The following RTTN variants were observed in gnomAD, a reference collection of about 807,000 sequenced individuals.
RTTN encodes the protein rotatin.
In RTTN, 182 loss-of-function variants were observed where a neutral mutation model predicts 269.2. That is an observed-to-expected ratio of 0.68 (90% CI 0.60 to 0.76). The LOEUF (loss-of-function observed/expected upper bound fraction) is 0.76. RTTN is among the 30% of genes least tolerant of loss of function. The probability of loss-of-function intolerance (pLI) is 0.00; values close to 1 mark genes in which losing one functional copy is unlikely to be tolerated. For synonymous variants in RTTN, 1,006 were observed against 963.5 expected (o/e 1.04, Z -0.82); for missense variants, 2,545 against 2,608.6 (o/e 0.98, Z 0.53).
intron 11 of RTTN, among the ~76,000 whole-genome samples, chr18:70,171,228 C>T (rs1375462156): frequency 2.0e-5 from 3 of 152,116 alleles, no homozygotes; most frequent in Non-Finnish European, 4.4e-5. Context: ...CCTGGGGTTC[C>T]ACTCCTGAAG....
chr18:70,069,711 AT>A (rs2145010787), intron 34 of RTTN, among the ~76,000 whole-genome samples: 1 of 152,346 alleles, frequency 6.6e-6, no homozygotes, highest in Non-Finnish European at 1.5e-5. Flanking sequence ...ATTTGCCAAA[AT>A]GATCTTGTAA....
intron 26 of RTTN, among the ~76,000 whole-genome samples, chr18:70,117,479 A>G (rs907425334): frequency 6.6e-6 from 1 of 152,032 alleles, no homozygotes; most frequent in Non-Finnish European, 1.5e-5. Flanking sequence ...GCACTCTTAA[A>G]AGTAGTATTA....
In RTTN at chr18:70,139,725, G is replaced by A. The variant is rs557700788; in HGVS notation, c.2671-9C>T. ...ACCAAACATTCTACAACCTGGGCCA[G>A]GAGGAAAAACACAGCTTTTCATTTT... On this transcript the variant is annotated splice_polypyrimidine_tract_variant and intron_variant, in intron 20 of 48. Coordinates refer to ENST00000640769, the MANE Select transcript of RTTN (RefSeq NM_173630.4). The A allele has an allele frequency of 1.3e-5, 20 of 1,546,344 alleles. No individual in the cohort carries two copies. In the East Asian group the frequency reaches 2.2e-4, roughly 17 times the overall value.
At chr18:70,128,103 G>T in intron 24 of RTTN, 1 of 431,558 alleles carries the variant, frequency 2.3e-6, no homozygotes, top group Non-Finnish European at 4.1e-6. Flanking sequence ...TCATATCTAC[G>T]AACAAATCAG....
intron 11 of RTTN, among the ~76,000 whole-genome samples, chr18:70,174,941 T>C (rs1419478987): frequency 7.0e-6 from 1 of 143,626 alleles, no homozygotes; most frequent in Non-Finnish European, 1.5e-5. Context: ...GGAAGGAGAA[T>C]CACTTGAACC....
chr18:70,054,082 T>G, intron 38 of RTTN, 49 bp downstream of exon 38: 1 of 1,468,230 alleles, frequency 6.8e-7, no homozygotes, highest in South Asian at 1.2e-5. Context: ...TAAGTTTTTT[T>G]TCCTCAGTAT....
intron 28 of RTTN, among the ~76,000 whole-genome samples, chr18:70,094,588 G>T (rs778258646): frequency 6.6e-6 from 1 of 152,118 alleles, no homozygotes; most frequent in East Asian, 1.9e-4. Flanking sequence ...ATGTAGTTGT[G>T]CGGTTTGTAG....
chr18:70,137,790 C>T (rs893972467), intron 21 of RTTN, among the ~76,000 whole-genome samples: 1 of 152,138 alleles, frequency 6.6e-6, no homozygotes, highest in African/African-American at 2.4e-5. Context: ...CACCAGGAAT[C>T]CCCAATTACA....
intron 26 of RTTN, 76 bp downstream of exon 26, chr18:70,121,480 C>A (rs1290378823): frequency 1.7e-5 from 21 of 1,224,568 alleles, no homozygotes; most frequent in Non-Finnish European, 2.3e-6. Flanking sequence ...TATCCTTTTC[C>A]ATAATATAAT....
At chr18:70,192,761 T>C (rs2061706501) in intron 8 of RTTN, among the ~76,000 whole-genome samples, 1 of 151,872 alleles carries the variant, frequency 6.6e-6, no homozygotes, top group Admixed American at 6.6e-5. Flanking sequence ...TTTTATAAAA[T>C]TCTCCAACCA....
chr18:70,040,433 A>G (rs1212165916), intron 40 of RTTN, among the ~76,000 whole-genome samples: 1 of 152,230 alleles, frequency 6.6e-6, no homozygotes, highest in African/African-American at 2.4e-5. Context: ...AATGATTGTG[A>G]GTATATATGT....
chr18:70,168,424 T>A (rs2061048688), intron 12 of RTTN, among the ~76,000 whole-genome samples: 1 of 152,170 alleles, frequency 6.6e-6, no homozygotes. Context: ...CTTAATATAT[T>A]TCAAAAATCA....
chr18:70,028,765 G>A lies in RTTN; in HGVS notation c.5782C>T (p.Gln1928Ter), dbSNP rs1437770718. ...GVIKELSIAM[Q>*]LLRNCLYQNE... ...TGATAAAGACAGTTTCTTAGGAGCT[G>A]CATGGCAATGCTTAACTCTTTAATA... The change falls in exon 43 of 49, where the codon CAG (glutamine) becomes TAG (stop). Residue 1928 changes from glutamine (Q) to a stop codon, truncating the protein, a stop_gained. Coordinates refer to ENST00000640769, the MANE Select transcript of RTTN (RefSeq NM_173630.4). LOFTEE classifies it high-confidence loss of function. 1.2e-6 allele frequency: 2 copies of A among 1,611,736 alleles called. No homozygotes were observed. The highest frequency in any genetic ancestry group is 8.5e-7 in the Non-Finnish European group (1 of 1,178,638).
intron 7 of RTTN, 73 bp downstream of exon 7, chr18:70,196,428 T>C: frequency 7.5e-7 from 1 of 1,340,906 alleles, no homozygotes; most frequent in Non-Finnish European, 1.0e-6. Flanking sequence ...ACCCTAACAG[T>C]AACTATAATG....
rs368918234 is a variant in RTTN, at chr18:70,166,983, G to A, written c.1738C>T (p.Arg580Cys). The A allele has an allele frequency of 1.1e-4, 170 of 1,613,742 alleles. No individual in the cohort carries two copies. In the Middle Eastern group the frequency reaches 1.2e-3, roughly 11 times the overall value. Reference protein sequence around the residue: ...ELVELADQALRSFSYHQHFPL... With the variant: ...ELVELADQALCSFSYHQHFPL... ...AAATGCTGATGATAGGAAAAGCTAC[G>A]CAAGGCTTGGTCTGCCAGCTCCACT... The change falls in exon 13 of 49, where the codon CGT (arginine) becomes TGT (cysteine). Residue 580 changes from arginine (R) to cysteine (C), a missense_variant. Coordinates refer to ENST00000640769, the MANE Select transcript of RTTN (RefSeq NM_173630.4).
chr18:70,173,666 G>A (rs1437974798), intron 11 of RTTN, among the ~76,000 whole-genome samples: 1 of 151,948 alleles, frequency 6.6e-6, no homozygotes, highest in East Asian at 1.9e-4. Flanking sequence ...CCTTTGTTTT[G>A]GTAATAAGTA....
At chr18:70,181,946 A>G (rs989621731) in intron 10 of RTTN, among the ~76,000 whole-genome samples, 1 of 152,222 alleles carries the variant, frequency 6.6e-6, no homozygotes, top group Admixed American at 6.5e-5. Context: ...AAGTACCAGC[A>G]GCCAAAAGTT....
intron 32 of RTTN, among the ~76,000 whole-genome samples, chr18:70,081,433 T>G (rs1473789521): frequency 2.6e-5 from 4 of 152,146 alleles, no homozygotes; most frequent in Non-Finnish European, 5.9e-5. Context: ...ACTGTAACTT[T>G]ACAAAGGACA....
intron 28 of RTTN, among the ~76,000 whole-genome samples, chr18:70,106,568 AAGC>A (rs1220494006): frequency 6.6e-6 from 1 of 152,178 alleles, no homozygotes; most frequent in Non-Finnish European, 1.5e-5. Context: ...TATGTGAAAG[AAGC>A]AGTCTTTTTA....
Sources: gnomAD v4.1 joint callset for allele counts (sites outside exome capture counted in the v4.1 genomes callset) on GRCh38, gnomAD v4.1.1 for gene constraint, MANE v1.5 for transcripts, NCBI Gene and HGNC (gene_info 2026-07-23, HGNC 2026-07-21) for gene names.